ITPKA: variants seen among roughly 807,000 people sequenced by gnomAD.
The protein encoded by ITPKA is inositol-trisphosphate 3-kinase A, also known as IP3 3-kinase A.
Under a neutral mutation model 40.7 loss-of-function variants are expected in ITPKA, and 16 were observed. The observed-to-expected ratio is 0.39, with a 90% CI of 0.27 to 0.60. The LOEUF (loss-of-function observed/expected upper bound fraction) is 0.60, where lower values mean the gene tolerates loss of function less well. Among genes scored for constraint, ITPKA ranks in the 20% least tolerant of loss-of-function variants. ITPKA has a pLI of 0.50. For synonymous variants in ITPKA, 313 were observed against 289.9 expected, an observed-to-expected ratio of 1.08 and a Z score of -0.81; for missense variants, 540 against 649.3, an observed-to-expected ratio of 0.83 and a Z score of 1.83.
At chr15:41,497,137 G>A (rs1016052521) in intron 1 of ITPKA, among the ~76,000 whole-genome samples, 51 of 152,198 alleles carry the variant, frequency 3.4e-4, no homozygotes, top group Admixed American at 3.2e-3. Flanking sequence ...GGTACTCCCT[G>A]TTCAGCCCTA....
intron 1 of ITPKA, among the ~76,000 whole-genome samples, chr15:41,499,727 G>A (rs1430385841): frequency 6.6e-6 from 1 of 152,156 alleles, no homozygotes; most frequent in Non-Finnish European, 1.5e-5. Flanking sequence ...GGAGGCGGCA[G>A]ACACAGTTGA....
chr15:41,503,225 C>T lies in ITPKA; in HGVS notation c.*59C>T. ...GACATGTGGACCTGCAGCTTTGTCC[C>T]CACTGTGCATGCCGGCTTGAGACTG... is the stretch of plus-strand genomic sequence containing the variant. On this transcript the variant is annotated 3_prime_UTR_variant, in exon 7 of 7. Transcript: ENST00000260386. The T allele has an allele frequency of 7.7e-7, 1 of 1,297,966 alleles. No homozygotes were observed. Among genetic ancestry groups the T allele is most frequent in the Non-Finnish European group, 1.1e-6 (1 of 936,374 alleles). 80.4% of individuals were successfully genotyped at this position (1,297,966 alleles called of 1,614,324 possible).
chr15:41,499,240 G>T (rs1024097362), intron 1 of ITPKA, among the ~76,000 whole-genome samples: 9 of 152,322 alleles, frequency 5.9e-5, no homozygotes, highest in African/African-American at 1.9e-4. Flanking sequence ...GTGATGTCAT[G>T]CTTCTAGTGG....
intron 5 of ITPKA, 58 bp from the exon 6 acceptor site, chr15:41,502,730 C>A: frequency 6.8e-7 from 1 of 1,463,060 alleles, no homozygotes; most frequent in Non-Finnish European, 9.3e-7. Flanking sequence ...TCATCGTTAG[C>A]AGGGGCTCAT....
chr15:41,500,064 G>A (rs536784193), intron 1 of ITPKA, among the ~76,000 whole-genome samples: 7 of 152,172 alleles, frequency 4.6e-5, no homozygotes, highest in South Asian at 2.1e-4. Flanking sequence ...AGATTCAAGC[G>A]ATTCTCCTGC....
In ITPKA at chr15:41,503,357, T is replaced by G; in HGVS notation, c.*191T>G. ...GGTTTTGCCCACCCGGGCCCCAGCG[T>G]TCCCAGAGCCAAATGACACTAACTT... On this transcript the variant is annotated 3_prime_UTR_variant, in exon 7 of 7. Coordinates refer to ENST00000260386, the MANE Select transcript of ITPKA (RefSeq NM_002220.3). The G allele has an allele frequency of 3.4e-6, 2 of 596,670 alleles. No individual in the cohort carries two copies. Among genetic ancestry groups the G allele is most frequent in the Non-Finnish European group, 6.0e-6 (2 of 335,422 alleles). 37.0% of individuals were successfully genotyped at this position (596,670 alleles called of 1,614,324 possible). A position where few individuals can be genotyped will look rare whatever the true frequency, so the allele number is the denominator to read the frequency against.
chr15:41,502,705 G>A lies in ITPKA; in HGVS notation c.1111-83G>A, dbSNP rs574749699. 64 of 1,316,758 alleles carry A rather than the reference G, an allele frequency of 4.9e-5. 1 individual carries two copies. The highest frequency in any genetic ancestry group is 4.1e-4 in the Admixed American group (18 of 43,984). 81.6% of individuals were successfully genotyped at this position (1,316,758 alleles called of 1,614,324 possible). On this transcript the variant is annotated intron_variant, in intron 5 of 6. Coordinates refer to ENST00000260386, the MANE Select transcript of ITPKA (RefSeq NM_002220.3). ...CCTGGCGGCATTTGCCAAGCACAGC[G>A]TGGGTCCCGGCTCCTCATCGTTAGC...
chr15:41,496,631 C>A (rs775122081), intron 1 of ITPKA, among the ~76,000 whole-genome samples: 1 of 152,174 alleles, frequency 6.6e-6, no homozygotes, highest in Non-Finnish European at 1.5e-5. Context: ...GGCTCCTGTT[C>A]ATCTGGTTTT....
chr15:41,499,500 G>A lies in ITPKA; in HGVS notation c.490-1963G>A, dbSNP rs1373816736. On this transcript the variant is annotated intron_variant, in intron 1 of 6. Transcript: ENST00000260386. ...GTTCACTCAGCTGGAAGGTGACACA[G>A]CCATGACTGGAACCAACTACTGACT... Among the ~76,000 whole-genome samples the A allele has an allele frequency of 3.3e-5, 5 of 152,180 alleles. No homozygotes were observed. In the East Asian group the frequency reaches 5.8e-4, roughly 18 times the overall value.
rs1383639998 is a variant in ITPKA at position 41,494,341 on chromosome 15, G to A, written c.414G>A (p.Glu138=). Residue 138 remains glutamate, a synonymous_variant, in exon 1 of 7, where the codon GAG becomes GAA. Transcript: ENST00000260386. This position sits in a 1 kb window ranked among gnomAD's most constrained non-coding sequence, Gnocchi z 7.8. ...TGSSSLLEDS[E]DDLLSDSESR... ...CCTCGTCGCTGCTCGAGGACTCGGAGGACGACCTGCTGAGCGACAGTGAGA... is the reference window on the plus strand; with the variant it reads ...CCTCGTCGCTGCTCGAGGACTCGGAAGACGACCTGCTGAGCGACAGTGAGA... 6.5e-7 allele frequency: 1 copy of A among 1,526,932 alleles called. No individual in the cohort carries two copies. The highest frequency in any genetic ancestry group is 1.2e-5 in the South Asian group (1 of 81,886). 94.6% of individuals were successfully genotyped at this position (1,526,932 alleles called of 1,614,324 possible). A position where few individuals can be genotyped will look rare whatever the true frequency, so the allele number is the denominator to read the frequency against.
chr15:41,497,548 G>T (rs1196241494), intron 1 of ITPKA, among the ~76,000 whole-genome samples: 2 of 152,172 alleles, frequency 1.3e-5, no homozygotes, highest in Non-Finnish European at 2.9e-5. Context: ...TTTTAAAAGC[G>T]TGATGTTCTC....
Position 41,493,980 on chromosome 15 carries a change from C to A in ITPKA, c.53C>A (p.Pro18His). 1 of 1,107,900 alleles carries A rather than the reference C, an allele frequency of 9.0e-7. No individual in the cohort carries two copies. Among genetic ancestry groups the A allele is most frequent in the Non-Finnish European group, 1.1e-6 (1 of 909,422 alleles). The allele number at this position is 1,107,900 out of a possible 1,614,324, so 68.6% of individuals were successfully genotyped here. A position where few individuals can be genotyped will look rare whatever the true frequency, so the allele number is the denominator to read the frequency against. ...TGMARPGGAR[P>H]CSPGLERAPR... ...ATGGCGCGGCCGGGGGGCGCGAGGC[C>A]CTGCAGCCCGGGGCTGGAGCGGGCC... Residue 18 changes from proline to histidine, a missense_variant, in exon 1 of 7, where the codon CCC (proline) becomes CAC (histidine). Transcript: ENST00000260386.
chr15:41,502,620 C>T, intron 5 of ITPKA, 117 bp downstream of exon 5: 3 of 915,468 alleles, frequency 3.3e-6, no homozygotes, highest in Non-Finnish European at 5.1e-6. Flanking sequence ...CGCGCTGGCT[C>T]GCAACTGCTC....
At chr15:41,495,829 G>A (rs532140950) in intron 1 of ITPKA, among the ~76,000 whole-genome samples, 51 of 152,362 alleles carry the variant, frequency 3.3e-4, no homozygotes, top group African/African-American at 1.2e-3. Flanking sequence ...GGCGCGAAGC[G>A]CGGGCGCGTC....
Position 41,494,893 on chromosome 15 carries a change from C to T in ITPKA, c.489+477C>T, listed in dbSNP as rs970256644. 2.0e-5 allele frequency among the ~76,000 whole-genome samples: 3 copies of T among 152,350 alleles called. No homozygotes were observed. Among genetic ancestry groups the T allele is most frequent in the Admixed American group, 2.0e-4 (3 of 15,310 alleles). ...TGGGAGTGGAGCGGCGCTCCAGGCT[C>T]TGCTCGGGAGCCGCTGCCGTCTGCT... is the stretch of plus-strand genomic sequence containing the variant. On this transcript the variant is annotated intron_variant, in intron 1 of 6. Coordinates refer to ENST00000260386, the MANE Select transcript of ITPKA (RefSeq NM_002220.3). The surrounding 1 kb of genome is among the most constrained non-coding windows in gnomAD (Gnocchi z 7.8).
intron 1 of ITPKA, among the ~76,000 whole-genome samples, chr15:41,495,695 G>A (rs2140671728): frequency 6.6e-6 from 1 of 152,328 alleles, no homozygotes; most frequent in South Asian, 2.1e-4. Flanking sequence ...GCGGATGCCG[G>A]GGCTTCCCAG....
intron 1 of ITPKA, among the ~76,000 whole-genome samples, chr15:41,498,230 C>G (rs1394817048): frequency 6.6e-6 from 1 of 150,680 alleles, no homozygotes; most frequent in East Asian, 1.9e-4. Flanking sequence ...CACCTGAACC[C>G]TGGAAGTCCA....
chr15:41,502,631 T>C (rs2051125733), intron 5 of ITPKA, 128 bp downstream of exon 5: 2 of 938,502 alleles, frequency 2.1e-6, no homozygotes, highest in South Asian at 3.2e-5. Context: ...GCAACTGCTC[T>C]ACGCTCCTTC....
In ITPKA at chr15:41,502,417, T is replaced by C; in HGVS notation, c.1024T>C (p.Cys342Arg). 6.2e-7 allele frequency: 1 copy of C among 1,602,990 alleles called. No individual in the cohort carries two copies. The highest frequency in any genetic ancestry group is 2.2e-5 in the East Asian group (1 of 44,508). ...IEGIKKADGS[C>R]STDFKTTRSR... The stretch of plus-strand genomic sequence containing the variant: ...CCACATCCAGAAAGCGGACGGCTCC[T>C]GCAGCACCGACTTCAAGACTACGCG... The change falls in exon 5 of 7, where the codon TGC becomes CGC. Residue 342 changes from cysteine (C) to arginine (R), a missense_variant. Cys to Arg is a radical substitution (Grantham distance 180). Transcript: ENST00000260386.
Sources: gnomAD v4.1 joint callset for allele counts (sites outside exome capture counted in the v4.1 genomes callset) on GRCh38, gnomAD v4.1.1 for gene constraint, Gnocchi (gnomAD v3.1) non-coding constraint, MANE v1.5 for transcripts, NCBI Gene and HGNC (gene_info 2026-07-23, HGNC 2026-07-21) for gene names.